The following SKAP1 variants were observed in gnomAD, a reference collection of about 807,000 sequenced individuals.
The protein encoded by SKAP1 is src kinase associated phosphoprotein 1, also known as src kinase-associated phosphoprotein 1.
A neutral mutation model predicts 58.5 loss-of-function variants in SKAP1; 44 were observed. The ratio of observed to expected loss-of-function variants is 0.75; its 90% confidence interval spans 0.59 to 0.97. The LOEUF is 0.97. Ranked by LOEUF, SKAP1 falls within the 50% of genes least tolerant of loss-of-function variation. The pLI, the probability that SKAP1 is intolerant of heterozygous loss-of-function variation, is 0.00. For synonymous variants in SKAP1, 127 were observed against 149.7 expected, an observed-to-expected ratio of 0.85 and a Z score of 1.11; for missense variants, 390 against 435.2, an observed-to-expected ratio of 0.90 and a Z score of 0.92.
intron 4 of SKAP1, among the ~76,000 whole-genome samples, chr17:48,339,112 A>G (rs2066613893): frequency 6.6e-6 from 1 of 152,216 alleles, no homozygotes; most frequent in Non-Finnish European, 1.5e-5. Context: ...ATTTGGCTCC[A>G]AAAACACAGA....
At chr17:48,413,627 C>T (rs912020587) in intron 1 of SKAP1, among the ~76,000 whole-genome samples, 5 of 150,228 alleles carry the variant, frequency 3.3e-5, no homozygotes, top group African/African-American at 1.2e-4. Context: ...CACTACTCAC[C>T]ACTGAACAGG....
At chr17:48,389,613 A>AT (rs1420187686) in intron 2 of SKAP1, among the ~76,000 whole-genome samples, 2 of 152,102 alleles carry the variant, frequency 1.3e-5, no homozygotes, top group Admixed American at 6.5e-5. Context: ...TGTGGGATTG[A>AT]TTTTTTTCCC....
intron 1 of SKAP1, among the ~76,000 whole-genome samples, chr17:48,427,257 T>C (rs1782184666): frequency 6.6e-6 from 1 of 152,234 alleles, no homozygotes. Flanking sequence ...TGTACTATCA[T>C]GCATTTTGCC....
chr17:48,171,095 T>G (rs868393093), intron 9 of SKAP1, among the ~76,000 whole-genome samples: 1 of 102,464 alleles, frequency 9.8e-6, no homozygotes, highest in African/African-American at 3.5e-5. Context: ...TTACTGTTGT[T>G]TTTTTTTTTT....
intron 3 of SKAP1, among the ~76,000 whole-genome samples, chr17:48,358,599 T>C (rs2066903504): frequency 6.6e-6 from 1 of 152,108 alleles, no homozygotes. Context: ...ATATACATGG[T>C]GAGTTTCATG....
At chr17:48,222,801 C>A (rs1279232368) in intron 4 of SKAP1, among the ~76,000 whole-genome samples, 2 of 151,300 alleles carry the variant, frequency 1.3e-5, no homozygotes, top group African/African-American at 2.4e-5. Flanking sequence ...TGTGGTGGCT[C>A]ACACCTGTAA....
At chr17:48,182,070 C>G (rs1488994852) in intron 8 of SKAP1, among the ~76,000 whole-genome samples, 1 of 152,070 alleles carries the variant, frequency 6.6e-6, no homozygotes, top group Non-Finnish European at 1.5e-5. Flanking sequence ...AATTTCCTTT[C>G]CAGAATATAA....
intron 4 of SKAP1, among the ~76,000 whole-genome samples, chr17:48,230,941 A>G (rs1045873280): frequency 5.3e-5 from 8 of 152,212 alleles, no homozygotes; most frequent in Non-Finnish European, 1.5e-5. Context: ...AATGAAATGT[A>G]TTACATATAT....
intron 1 of SKAP1, among the ~76,000 whole-genome samples, chr17:48,406,657 C>T (rs1264403753): frequency 6.6e-6 from 1 of 151,958 alleles, no homozygotes. Flanking sequence ...CCTCCGCCTC[C>T]CAGGTTCAAG....
intron 4 of SKAP1, among the ~76,000 whole-genome samples, chr17:48,254,889 A>G (rs1275750710): frequency 6.6e-6 from 1 of 152,024 alleles, no homozygotes; most frequent in East Asian, 1.9e-4. Flanking sequence ...CTGAAAATCT[A>G]TGATATGATC....
At chr17:48,325,248 C>CAAAAAAA (rs200281665) in intron 4 of SKAP1, among the ~76,000 whole-genome samples, 23 of 91,444 alleles carry the variant, frequency 2.5e-4, no homozygotes, top group Admixed American at 6.0e-4. Context: ...GACTCCGTCT[C>CAAAAAAA]AAAAAAAAAA....
chr17:48,297,613 A>C (rs2065996317), intron 4 of SKAP1, among the ~76,000 whole-genome samples: 1 of 152,168 alleles, frequency 6.6e-6, no homozygotes, highest in Admixed American at 6.5e-5. Context: ...AAAAATATAT[A>C]TGGTTCAGTT....
chr17:48,269,266 T>C (rs1189568005), intron 4 of SKAP1, among the ~76,000 whole-genome samples: 5 of 151,964 alleles, frequency 3.3e-5, no homozygotes, highest in African/African-American at 1.2e-4. Flanking sequence ...CATTTTAAGT[T>C]AGAAGTGATA....
chr17:48,233,163 T>C (rs559511285), intron 4 of SKAP1, among the ~76,000 whole-genome samples: 1 of 152,282 alleles, frequency 6.6e-6, no homozygotes, highest in Non-Finnish European at 1.5e-5. Flanking sequence ...CCATCTCCAA[T>C]AGGAACTCTG....
intron 4 of SKAP1, among the ~76,000 whole-genome samples, chr17:48,283,898 ACT>A (rs1162840251): frequency 4.6e-5 from 7 of 151,796 alleles, no homozygotes; most frequent in Admixed American, 3.3e-4. Context: ...AATGTCCCAG[ACT>A]CTCACCTGTC....
At chr17:48,258,218 C>G (rs1000599990) in intron 4 of SKAP1, among the ~76,000 whole-genome samples, 1 of 152,088 alleles carries the variant, frequency 6.6e-6, no homozygotes, top group Admixed American at 6.6e-5. Context: ...TGAATGACAT[C>G]CATAAATTAA....
intron 4 of SKAP1, among the ~76,000 whole-genome samples, chr17:48,306,729 A>G (rs553140030): frequency 6.6e-6 from 1 of 152,352 alleles, no homozygotes; most frequent in African/African-American, 2.4e-5. Context: ...GAATGAATCA[A>G]TAACACCTTT....
chr17:48,302,668 C>T (rs763737063), intron 4 of SKAP1, among the ~76,000 whole-genome samples: 1 of 152,182 alleles, frequency 6.6e-6, no homozygotes, highest in Non-Finnish European at 1.5e-5. Flanking sequence ...TGTAGCATTC[C>T]TTTAGAATGG....
chr17:48,201,917 G>A (rs1258500440), intron 4 of SKAP1, among the ~76,000 whole-genome samples: 1 of 152,174 alleles, frequency 6.6e-6, no homozygotes, highest in African/African-American at 2.4e-5. Context: ...CACTGATAGT[G>A]TTTCCTCAGT....
Sources: gnomAD v4.1 joint callset for allele counts (sites outside exome capture counted in the v4.1 genomes callset) on GRCh38, gnomAD v4.1.1 for gene constraint, MANE v1.5 for transcripts, NCBI Gene and HGNC (gene_info 2026-07-23, HGNC 2026-07-21) for gene names.